ITCH: variants seen among roughly 807,000 people sequenced by gnomAD.
ITCH encodes the protein E3 ubiquitin-protein ligase Itchy homolog.
Under a neutral mutation model 126.8 loss-of-function variants are expected in ITCH, and 28 were observed. That is an observed-to-expected ratio of 0.22 (90% CI 0.16 to 0.30). ITCH has a LOEUF of 0.30. ITCH is among the 10% of genes least tolerant of loss of function. ITCH has a pLI of 1.00. For synonymous variants in ITCH, 342 were observed against 340.0 expected (o/e 1.01, Z -0.06); for missense variants, 631 against 1,032.4 (o/e 0.61, Z 5.33).
At chr20:34,448,750 A>C (rs1488298037) in intron 11 of ITCH, among the ~76,000 whole-genome samples, 2 of 152,230 alleles carry the variant, frequency 1.3e-5, no homozygotes, top group Non-Finnish European at 2.9e-5. Context: ...ATATCTCTAC[A>C]CAGAGTCGGT....
At chr20:34,427,524 A>G (rs942092478) in intron 7 of ITCH, among the ~76,000 whole-genome samples, 2 of 152,102 alleles carry the variant, frequency 1.3e-5, no homozygotes, top group African/African-American at 2.4e-5. Context: ...GGGTGCCCAA[A>G]GTGGGAGGAT....
chr20:34,417,043 A>T (rs981788637), intron 6 of ITCH: 13 of 539,928 alleles, frequency 2.4e-5, no homozygotes, highest in Non-Finnish European at 4.2e-5. Flanking sequence ...CAGAGTAGCT[A>T]GGATTACAGG....
At chr20:34,499,226 G>T (rs1014218687) in intron 23 of ITCH, among the ~76,000 whole-genome samples, 12 of 135,910 alleles carry the variant, frequency 8.8e-5, no homozygotes, top group Non-Finnish European at 1.7e-4. Context: ...CGCCCGCCTT[G>T]GACTCCCAAA....
chr20:34,437,366 C>T (rs6120645), intron 7 of ITCH, among the ~76,000 whole-genome samples: 67,979 of 151,930 alleles, frequency 0.45, 15,765 homozygotes, highest in Non-Finnish European at 0.5. Flanking sequence ...AGTGCAGTGG[C>T]GCAAGCTCAG....
intron 3 of ITCH, among the ~76,000 whole-genome samples, chr20:34,396,470 CTGTG>C (rs941286149): frequency 1.3e-5 from 2 of 151,666 alleles, no homozygotes; most frequent in East Asian, 3.9e-4. Context: ...GTATTTTACT[CTGTG>C]TGTGTGCGCG....
At chr20:34,431,687 G>A (rs953012821) in intron 7 of ITCH, among the ~76,000 whole-genome samples, 1 of 152,238 alleles carries the variant, frequency 6.6e-6, no homozygotes, top group East Asian at 1.9e-4. Context: ...GATGAGAAGT[G>A]GGAGTACAAG....
chr20:34,417,691 C>T (rs536812371), intron 6 of ITCH, among the ~76,000 whole-genome samples: 20 of 145,922 alleles, frequency 1.4e-4, no homozygotes, highest in African/African-American at 4.3e-4. Flanking sequence ...TGAGCCACTG[C>T]GCCTGGCCCA....
At chr20:34,401,905 C>T (rs2038899540) in intron 3 of ITCH, among the ~76,000 whole-genome samples, 1 of 152,084 alleles carries the variant, frequency 6.6e-6, no homozygotes, top group Non-Finnish European at 1.5e-5. Context: ...AAAACTGAAA[C>T]TAGTACTAAT....
intron 12 of ITCH, among the ~76,000 whole-genome samples, chr20:34,452,631 A>G (rs374677293): frequency 1.7e-4 from 26 of 152,288 alleles, no homozygotes; most frequent in African/African-American, 6.0e-4. Context: ...AGACTTTTAT[A>G]TGCTGGGACT....
At chr20:34,391,959 AT>A (rs534586706) in intron 2 of ITCH, among the ~76,000 whole-genome samples, 5 of 152,214 alleles carry the variant, frequency 3.3e-5, no homozygotes, top group Non-Finnish European at 5.9e-5. Flanking sequence ...GCAATAAATT[AT>A]TAGTGGAGAT....
At chr20:34,418,188 C>T (rs1568918908) in intron 6 of ITCH, among the ~76,000 whole-genome samples, 1 of 152,026 alleles carries the variant, frequency 6.6e-6, no homozygotes, top group Non-Finnish European at 1.5e-5. Context: ...TGGTCTCAAA[C>T]TCCTGAGCTC....
chr20:34,433,742 CA>C (rs1982642790), intron 7 of ITCH, among the ~76,000 whole-genome samples: 1 of 151,070 alleles, frequency 6.6e-6, no homozygotes, highest in African/African-American at 2.4e-5. Context: ...TGCAGTCATT[CA>C]AAATGATTTT....
chr20:34,408,910 C>CTT (rs1214512036), intron 4 of ITCH, 118 bp downstream of exon 4: 1,092 of 765,610 alleles, frequency 1.4e-3, no homozygotes, highest in Non-Finnish European at 1.6e-3. Context: ...TTTCTCTCTT[C>CTT]TTTTTTTTTT....
chr20:34,493,352 G>A (rs545587628), intron 23 of ITCH, among the ~76,000 whole-genome samples: 2 of 152,150 alleles, frequency 1.3e-5, no homozygotes, highest in South Asian at 4.1e-4. Flanking sequence ...TGAGGGTATT[G>A]GAAGCTGTGG....
chr20:34,461,884 G>A lies in ITCH; in HGVS notation c.1296-209G>A, dbSNP rs532661406. 4.9e-4 allele frequency among the ~76,000 whole-genome samples: 75 copies of A among 152,238 alleles called. 1 individual carries two copies. The highest frequency in any genetic ancestry group is 4.2e-3 in the Admixed American group (64 of 15,294). On this transcript the variant is annotated intron_variant, in intron 13 of 24. Coordinates refer to ENST00000374864, the MANE Select transcript of ITCH (RefSeq NM_031483.7). ...AATGGGGAACATAAGCCAAGTAGACGGCAGAAGACTTGAGTTGTGTTTGAT... is the reference window on the plus strand; with the variant it reads ...AATGGGGAACATAAGCCAAGTAGACAGCAGAAGACTTGAGTTGTGTTTGAT...
intron 2 of ITCH, among the ~76,000 whole-genome samples, chr20:34,381,253 A>G (rs1337966782): frequency 6.6e-6 from 1 of 151,640 alleles, no homozygotes; most frequent in Non-Finnish European, 1.5e-5. Context: ...AAAAACAACT[A>G]TCTGGACGTG....
At chr20:34,461,986 G>T in intron 13 of ITCH, 107 bp from the exon 14 acceptor site, 1 of 1,138,568 alleles carries the variant, frequency 8.8e-7, no homozygotes, top group East Asian at 2.4e-5. Context: ...GAACTGAATG[G>T]TTTTCTAAAA....
At chr20:34,403,987 A>G (rs1400372372) in intron 3 of ITCH, among the ~76,000 whole-genome samples, 1 of 152,200 alleles carries the variant, frequency 6.6e-6, no homozygotes. Flanking sequence ...AAAATGCCCC[A>G]TAAGAGTTTA....
At chr20:34,365,379 A>T (rs2037382845) in intron 1 of ITCH, among the ~76,000 whole-genome samples, 1 of 152,214 alleles carries the variant, frequency 6.6e-6, no homozygotes, top group Non-Finnish European at 1.5e-5. Flanking sequence ...AGTGTATTCT[A>T]GAATCAAACA....
Sources: gnomAD v4.1 joint callset for allele counts (sites outside exome capture counted in the v4.1 genomes callset) on GRCh38, gnomAD v4.1.1 for gene constraint, MANE v1.5 for transcripts, NCBI Gene and HGNC (gene_info 2026-07-23, HGNC 2026-07-21) for gene names.